STMND1: variants seen among roughly 807,000 people sequenced by gnomAD.
STMND1 encodes the protein stathmin domain containing 1.
In STMND1, 17 loss-of-function variants were observed where a neutral mutation model predicts 23.0. That is an observed-to-expected ratio of 0.74 (90% CI 0.51 to 1.11). STMND1 has a LOEUF of 1.11. STMND1 is among the 50% of genes least tolerant of loss of function. The pLI is 0.00. For synonymous variants in STMND1, 114 were observed against 119.9 expected (o/e 0.95, Z 0.32); for missense variants, 305 against 329.1 (o/e 0.93, Z 0.57).
At chr6:17,116,589 G>A (rs1270381207) in intron 2 of STMND1, among the ~76,000 whole-genome samples, 4 of 151,854 alleles carry the variant, frequency 2.6e-5, no homozygotes, top group East Asian at 1.9e-4. Context: ...ACAGGCATGC[G>A]CCACCATGTC....
At chr6:17,123,477 C>A (rs1191454131) in intron 3 of STMND1, among the ~76,000 whole-genome samples, 1 of 152,252 alleles carries the variant, frequency 6.6e-6, no homozygotes, top group East Asian at 1.9e-4. Flanking sequence ...TGGTCCTTAA[C>A]CCGCCGGTAC....
At chr6:17,107,757 C>T (rs56319161) in intron 1 of STMND1, among the ~76,000 whole-genome samples, 49,127 of 151,990 alleles carry the variant, frequency 0.32, 8,134 homozygotes, top group African/African-American at 0.34. Context: ...CCATCATGCC[C>T]GGCTAATTTT....
At chr6:17,130,551 A>C (rs1409616126) in intron 4 of STMND1, 43 bp from the exon 5 acceptor site, 2 of 1,406,206 alleles carry the variant, frequency 1.4e-6, no homozygotes, top group Non-Finnish European at 1.9e-6. Context: ...AACTTGGAGA[A>C]AGTTATTCAC....
intron 2 of STMND1, among the ~76,000 whole-genome samples, chr6:17,118,072 G>A (rs1447653272): frequency 6.6e-6 from 1 of 151,716 alleles, no homozygotes; most frequent in Admixed American, 6.6e-5. Flanking sequence ...ATGTTTATGG[G>A]GTTTTTGCTA....
intron 3 of STMND1, among the ~76,000 whole-genome samples, chr6:17,126,366 T>G (rs1190506924): frequency 6.6e-6 from 1 of 152,052 alleles, no homozygotes; most frequent in Non-Finnish European, 1.5e-5. Flanking sequence ...CAGGTAGGAT[T>G]AACTTCCTCT....
chr6:17,111,403 C>T (rs1200788990), intron 1 of STMND1, among the ~76,000 whole-genome samples: 1 of 152,116 alleles, frequency 6.6e-6, no homozygotes, highest in Non-Finnish European at 1.5e-5. Flanking sequence ...GATGGGTTCA[C>T]GGGTTCACAG....
chr6:17,102,451 C>G, intron 1 of STMND1, 113 bp downstream of exon 1: 6 of 1,296,696 alleles, frequency 4.6e-6, no homozygotes, highest in Non-Finnish European at 6.3e-6. Context: ...CAGGGTCGGT[C>G]GAGGCTAGTT....
At chr6:17,126,072 T>A (rs9477328) in intron 3 of STMND1, among the ~76,000 whole-genome samples, 279 of 42,424 alleles carry the variant, frequency 6.6e-3, no homozygotes, top group African/African-American at 0.011. Flanking sequence ...ATATATATAT[T>A]TTTTTTTTTT....
intron 2 of STMND1, among the ~76,000 whole-genome samples, chr6:17,115,975 G>A (rs1420651427): frequency 6.6e-6 from 1 of 152,192 alleles, no homozygotes; most frequent in East Asian, 1.9e-4. Context: ...TGACTAGGAG[G>A]TTGAGGAATG....
chr6:17,129,429 T>C (rs1310573242), intron 4 of STMND1, among the ~76,000 whole-genome samples, 186 bp downstream of exon 4: 1 of 151,908 alleles, frequency 6.6e-6, no homozygotes, highest in Non-Finnish European at 1.5e-5. Context: ...TGGAGTACAG[T>C]GGCATGCTCA....
At chr6:17,111,827 T>C (rs1197359764) in intron 1 of STMND1, among the ~76,000 whole-genome samples, 7 of 152,146 alleles carry the variant, frequency 4.6e-5, no homozygotes, top group Non-Finnish European at 4.4e-5. Context: ...ATCAAGGCAA[T>C]GGAAGGTTTG....
At position 17,111,125 on chromosome 6, in the gene STMND1, G is replaced by T. The variant is rs959041741; in HGVS notation, c.82-3837G>T. 2.6e-5 allele frequency among the ~76,000 whole-genome samples: 4 copies of T among 152,110 alleles called. No individual in the cohort carries two copies. The East Asian group carries it at 7.7e-4, about 29-fold the overall frequency. Reference sequence around the variant, plus strand: ...ATTACATTGTTCTTGTTTTGCTATGGAACTGTGAAAAATTTAACACGGACC... The same window carrying T: ...ATTACATTGTTCTTGTTTTGCTATGTAACTGTGAAAAATTTAACACGGACC... On this transcript the variant is annotated intron_variant, in intron 1 of 4. Coordinates refer to ENST00000536551, the MANE Select transcript of STMND1 (RefSeq NM_001190766.2).
In STMND1 at chr6:17,129,248, T is replaced by C. The variant is rs1226847714; in HGVS notation, c.543+5T>C. ...GCTGCCGAGGAGCGCAGGAAGGTAGTGAGCTCTCAGATGCTCTAGGCTTGA... is the reference window on the plus strand; with the variant it reads ...GCTGCCGAGGAGCGCAGGAAGGTAGCGAGCTCTCAGATGCTCTAGGCTTGA... On this transcript the variant is annotated splice_donor_5th_base_variant and intron_variant, in intron 4 of 4. Transcript: ENST00000536551. 2.0e-6 allele frequency: 3 copies of C among 1,535,670 alleles called. No individual in the cohort carries two copies. Among genetic ancestry groups the C allele is most frequent in the African/African-American group, 2.7e-5 (2 of 73,042 alleles).
At position 17,113,203 on chromosome 6, in the gene STMND1, A is replaced by G. The variant is rs183532626; in HGVS notation, c.82-1759A>G. On this transcript the variant is annotated intron_variant, in intron 1 of 4. Coordinates refer to ENST00000536551, the MANE Select transcript of STMND1 (RefSeq NM_001190766.2). ...AATCAACGTTCTACCAGAGGGAAAG[A>G]ACCAGTAGGATAGACAGATGGATAG... 7.4e-4 allele frequency among the ~76,000 whole-genome samples: 112 copies of G among 152,378 alleles called. 1 individual carries two copies. The highest frequency in any genetic ancestry group is 5.0e-3 in the South Asian group (24 of 4,830).
At position 17,130,829 on chromosome 6, in the gene STMND1, G is replaced by C. The variant is rs1325186982; in HGVS notation, c.779G>C (p.Gly260Ala). ...IDRNESDESF[G>A]VVESDMSYNQ... ...AGAAACGAAAGTGATGAAAGTTTTGGGGTCGTGGAGTCAGACATGTCCTAC... is the reference window on the plus strand; with the variant it reads ...AGAAACGAAAGTGATGAAAGTTTTGCGGTCGTGGAGTCAGACATGTCCTAC... The change falls in exon 5 of 5, where the codon GGG becomes GCG. Residue 260 changes from glycine to alanine, a missense_variant. Coordinates refer to ENST00000536551, the MANE Select transcript of STMND1 (RefSeq NM_001190766.2). The C allele has an allele frequency of 6.5e-7, 1 of 1,535,658 alleles. No individual in the cohort carries two copies. The highest frequency in any genetic ancestry group is 1.4e-5 in the African/African-American group (1 of 72,988).
At chr6:17,108,800 G>A (rs1317582563) in intron 1 of STMND1, among the ~76,000 whole-genome samples, 2 of 150,384 alleles carry the variant, frequency 1.3e-5, no homozygotes, top group African/African-American at 2.5e-5. Context: ...GAGTTCAAGT[G>A]ATTCTCCTGC....
chr6:17,116,005 C>T (rs925550969), intron 2 of STMND1, among the ~76,000 whole-genome samples: 3 of 152,196 alleles, frequency 2.0e-5, no homozygotes, highest in African/African-American at 7.2e-5. Flanking sequence ...AATGGACTCT[C>T]CCTCCCTTCT....
At chr6:17,128,603 T>C (rs1443174949) in intron 3 of STMND1, 3 of 152,394 alleles carry the variant, frequency 2.0e-5, no homozygotes, top group Non-Finnish European at 2.9e-5. Flanking sequence ...CTGGTGCTTT[T>C]AAGGCATCTA....
chr6:17,126,767 G>T (rs1266596544), intron 3 of STMND1, among the ~76,000 whole-genome samples: 2 of 152,158 alleles, frequency 1.3e-5, no homozygotes, highest in African/African-American at 2.4e-5. Context: ...GAAAAACTTT[G>T]CACCCCATAA....
Sources: gnomAD v4.1 joint callset for allele counts (sites outside exome capture counted in the v4.1 genomes callset) on GRCh38, gnomAD v4.1.1 for gene constraint, MANE v1.5 for transcripts, NCBI Gene and HGNC (gene_info 2026-07-23, HGNC 2026-07-21) for gene names.